The following RIMS1 variants were observed in gnomAD, a reference collection of about 807,000 sequenced individuals.
RIMS1 encodes regulating synaptic membrane exocytosis protein 1.
A neutral mutation model predicts 214.1 loss-of-function variants in RIMS1; 83 were observed. The ratio of observed to expected loss-of-function variants is 0.39; its 90% CI spans 0.32 to 0.47. RIMS1 has a LOEUF of 0.47. Ranked by LOEUF, RIMS1 falls within the 20% of genes least tolerant of loss-of-function variation. RIMS1 has a pLI of 0.99. For missense variants in RIMS1, 2,050 were observed against 2,161.8 expected (o/e 0.95, Z 1.03); for synonymous variants, 793 against 786.8 (o/e 1.01, Z -0.13).
chr6:71,994,576 GAGT>G (rs1802831895), intron 2 of RIMS1, among the ~76,000 whole-genome samples: 1 of 152,092 alleles, frequency 6.6e-6, no homozygotes, highest in Non-Finnish European at 1.5e-5. Flanking sequence ...ATTGCCCAAG[GAGT>G]CTCAATCTAT....
chr6:72,224,875 A>C (rs946871513), intron 6 of RIMS1, among the ~76,000 whole-genome samples: 1 of 152,192 alleles, frequency 6.6e-6, no homozygotes, highest in African/African-American at 2.4e-5. Context: ...AGTGACTGCA[A>C]TGTTTTGCAA....
At chr6:71,924,807 C>CAAAA (rs10652071) in intron 1 of RIMS1, among the ~76,000 whole-genome samples, 34 of 62,024 alleles carry the variant, frequency 5.5e-4, no homozygotes, top group African/African-American at 1.4e-3. Context: ...ACCCTGTCTC[C>CAAAA]AAAAAAAAAA....
chr6:72,051,079 G>T (rs138077649), intron 2 of RIMS1, among the ~76,000 whole-genome samples: 2 of 152,174 alleles, frequency 1.3e-5, no homozygotes, highest in Non-Finnish European at 2.9e-5. Flanking sequence ...AGTGAAGAGA[G>T]AGTTGCCGCT....
At chr6:72,203,998 G>A (rs1276805253) in intron 6 of RIMS1, among the ~76,000 whole-genome samples, 5 of 152,184 alleles carry the variant, frequency 3.3e-5, no homozygotes, top group Non-Finnish European at 5.9e-5. Context: ...GACTGGGAAA[G>A]TATCCAAAAT....
intron 4 of RIMS1, chr6:72,126,687 C>A: frequency 3.8e-6 from 1 of 265,630 alleles, no homozygotes; most frequent in Non-Finnish European, 7.5e-6. Context: ...TGCTCAGCAT[C>A]ACTGATTATC....
chr6:72,400,631 G>T lies in RIMS1; in HGVS notation c.4996G>T (p.Asp1666Tyr). The T allele has an allele frequency of 6.2e-7, 1 of 1,613,854 alleles. No individual in the cohort carries two copies. The highest frequency in any genetic ancestry group is 8.5e-7 in the Non-Finnish European group (1 of 1,179,838). The change falls in exon 34 of 34, where the codon GAT (aspartate) becomes TAT (tyrosine). Residue 1666 changes from aspartate (D) to tyrosine (Y), a missense_variant. By Grantham distance (160) the Asp-to-Tyr change is radical. Transcript: ENST00000521978. ...ATTGTTCCCACCGTCCTCACTGGTG[G>T]ATCCCACACTCACTCCCCTCACCCG... ...YKLFPPSSLV[D>Y]PTLTPLTRRA... is the part of the protein sequence containing the mutation.
chr6:72,101,349 T>C (rs1328998226), intron 4 of RIMS1, among the ~76,000 whole-genome samples: 1 of 151,996 alleles, frequency 6.6e-6, no homozygotes, highest in Non-Finnish European at 1.5e-5. Flanking sequence ...AGAATGTATA[T>C]ATCTATCACT....
chr6:71,944,127 A>G (rs1561936548), intron 1 of RIMS1, among the ~76,000 whole-genome samples: 2 of 152,336 alleles, frequency 1.3e-5, no homozygotes, highest in East Asian at 1.9e-4. Context: ...AAATACTATT[A>G]TGGTTAATGT....
chr6:71,922,762 G>A (rs1453380381), intron 1 of RIMS1, among the ~76,000 whole-genome samples: 1 of 152,184 alleles, frequency 6.6e-6, no homozygotes, highest in African/African-American at 2.4e-5. Flanking sequence ...TAGGTTATGT[G>A]TTAGCAGAAA....
intron 4 of RIMS1, among the ~76,000 whole-genome samples, chr6:72,175,777 G>A (rs914947286): frequency 2.6e-5 from 4 of 151,974 alleles, no homozygotes; most frequent in East Asian, 1.9e-4. Flanking sequence ...CTGTGTGTCC[G>A]GCTCTGTAAA....
chr6:72,084,101 C>T (rs1252865039), intron 2 of RIMS1, among the ~76,000 whole-genome samples: 19 of 152,114 alleles, frequency 1.2e-4, no homozygotes, highest in Admixed American at 1.2e-3. Context: ...CTTTGGCTTG[C>T]TCATATGTGT....
At chr6:72,381,541 G>A (rs1181670428) in intron 29 of RIMS1, among the ~76,000 whole-genome samples, 1 of 152,242 alleles carries the variant, frequency 6.6e-6, no homozygotes, top group African/African-American at 2.4e-5. Flanking sequence ...GTATGTTTCA[G>A]TGTATACAAA....
At chr6:72,219,752 C>T (rs920141031) in intron 6 of RIMS1, among the ~76,000 whole-genome samples, 7 of 151,926 alleles carry the variant, frequency 4.6e-5, no homozygotes, top group African/African-American at 1.7e-4. Flanking sequence ...ATGCTTAGCC[C>T]TTGAAACTTG....
chr6:72,111,742 G>A (rs1386719623), intron 4 of RIMS1, among the ~76,000 whole-genome samples: 2 of 152,114 alleles, frequency 1.3e-5, no homozygotes, highest in Non-Finnish European at 2.9e-5. Flanking sequence ...AGGGAGTTCA[G>A]GGCAGGGTTT....
intron 1 of RIMS1, among the ~76,000 whole-genome samples, chr6:71,930,559 G>T (rs1758633531): frequency 6.6e-6 from 1 of 151,932 alleles, no homozygotes; most frequent in South Asian, 2.1e-4. Context: ...TACTTTGAAG[G>T]CTATGAGCCA....
intron 1 of RIMS1, among the ~76,000 whole-genome samples, chr6:71,934,473 C>T (rs1255315054): frequency 1.3e-5 from 2 of 152,112 alleles, no homozygotes; most frequent in Non-Finnish European, 1.5e-5. Context: ...TGCTGTTACA[C>T]GTTTGTTTTT....
At chr6:71,918,359 A>G (rs1779035051) in intron 1 of RIMS1, among the ~76,000 whole-genome samples, 1 of 152,174 alleles carries the variant, frequency 6.6e-6, no homozygotes, top group African/African-American at 2.4e-5. Flanking sequence ...ATCCTGCCAG[A>G]TGCTTCTGAG....
At chr6:72,321,676 T>C (rs2096174797) in intron 28 of RIMS1, among the ~76,000 whole-genome samples, 1 of 152,112 alleles carries the variant, frequency 6.6e-6, no homozygotes, top group Non-Finnish European at 1.5e-5. Flanking sequence ...TTTTAGGTGT[T>C]CCTTTCCTAA....
At chr6:72,265,853 T>C (rs974506557) in intron 21 of RIMS1, 107 bp from the exon 22 acceptor site, 1 of 721,410 alleles carries the variant, frequency 1.4e-6, no homozygotes, top group African/African-American at 1.8e-5. Context: ...ATTCTACATT[T>C]TGTGTAAAGG....
Sources: allele counts gnomAD v4.1 joint callset (sites outside exome capture counted in the v4.1 genomes callset), GRCh38; gene constraint gnomAD v4.1.1; transcripts MANE v1.5; gene names NCBI Gene and HGNC (gene_info 2026-07-23, HGNC 2026-07-21).